The following ANO2 variants were observed in gnomAD, a reference collection of about 807,000 sequenced individuals.
ANO2 encodes anoctamin-2.
A neutral mutation model predicts 124.2 loss-of-function variants in ANO2; 101 were observed. The observed-to-expected ratio is 0.81, with a 90% CI of 0.69 to 0.96. ANO2 has a LOEUF of 0.96. ANO2 is among the 40% of genes least tolerant of loss of function. The pLI, the probability that ANO2 is intolerant of heterozygous loss-of-function variation, is 0.00. For synonymous variants in ANO2, 486 were observed against 482.5 expected, an observed-to-expected ratio of 1.01 and a Z score of -0.09; for missense variants, 1,293 against 1,274.5, an observed-to-expected ratio of 1.01 and a Z score of -0.22.
chr12:5,590,719 G>A (rs908001523), intron 20 of ANO2, among the ~76,000 whole-genome samples: 5 of 152,162 alleles, frequency 3.3e-5, no homozygotes, highest in African/African-American at 9.7e-5. Flanking sequence ...CTGGTCAACC[G>A]GAAGCAGCAA....
intron 20 of ANO2, among the ~76,000 whole-genome samples, chr12:5,585,140 C>A (rs552695962): frequency 5.9e-4 from 89 of 152,072 alleles, no homozygotes; most frequent in African/African-American, 2.1e-3. Context: ...TTGCACCATT[C>A]ATCACTGGGC....
intron 14 of ANO2, among the ~76,000 whole-genome samples, chr12:5,710,400 T>A (rs1274473696): frequency 1.3e-5 from 2 of 152,182 alleles, no homozygotes; most frequent in Non-Finnish European, 2.9e-5. Flanking sequence ...TTAGTTTGCA[T>A]CCCCCACCCC....
chr12:5,846,105 T>C (rs891915939), intron 4 of ANO2, among the ~76,000 whole-genome samples: 3 of 152,210 alleles, frequency 2.0e-5, no homozygotes, highest in African/African-American at 7.2e-5. Context: ...ATATCCTTCT[T>C]TGCAGACACC....
At chr12:5,628,338 T>C (rs1945518870) in intron 16 of ANO2, among the ~76,000 whole-genome samples, 1 of 152,208 alleles carries the variant, frequency 6.6e-6, no homozygotes, top group Non-Finnish European at 1.5e-5. Context: ...GTCATTCACA[T>C]ATGTGAGTGC....
intron 4 of ANO2, among the ~76,000 whole-genome samples, chr12:5,837,985 AAG>A (rs1954384365): frequency 1.3e-5 from 2 of 152,022 alleles, no homozygotes; most frequent in South Asian, 4.2e-4. Context: ...TAAAGAAAAA[AAG>A]AGAGAAGAAT....
At chr12:5,891,167 G>A (rs980795266) in intron 3 of ANO2, among the ~76,000 whole-genome samples, 1 of 152,156 alleles carries the variant, frequency 6.6e-6, no homozygotes, top group Non-Finnish European at 1.5e-5. Context: ...CCCAGAAGGG[G>A]TCATTAGCAT....
chr12:5,687,764 G>C (rs1370698607), intron 14 of ANO2, among the ~76,000 whole-genome samples: 1 of 152,234 alleles, frequency 6.6e-6, no homozygotes, highest in African/African-American at 2.4e-5. Context: ...CTGAGGCAGG[G>C]AGGGGACCAG....
At chr12:5,757,851 T>C (rs1008511022) in intron 10 of ANO2, among the ~76,000 whole-genome samples, 1 of 152,056 alleles carries the variant, frequency 6.6e-6, no homozygotes, top group Admixed American at 6.6e-5. Flanking sequence ...TAAGAAGAAA[T>C]AGCTAAAATT....
chr12:5,864,283 C>A (rs1455321821), intron 3 of ANO2, among the ~76,000 whole-genome samples: 2 of 152,194 alleles, frequency 1.3e-5, no homozygotes, highest in African/African-American at 4.8e-5. Context: ...TAGCCAGATG[C>A]AACATTTCTA....
intron 20 of ANO2, among the ~76,000 whole-genome samples, chr12:5,598,356 A>G (rs1467464910): frequency 5.9e-5 from 9 of 151,776 alleles, no homozygotes; most frequent in Non-Finnish European, 1.5e-5. Context: ...TATAGCTAAG[A>G]TCTTTATTTA....
intron 10 of ANO2, among the ~76,000 whole-genome samples, chr12:5,758,729 A>AC (rs1337871048): frequency 6.6e-6 from 1 of 152,096 alleles, no homozygotes; most frequent in Non-Finnish European, 1.5e-5. Flanking sequence ...GATTGACTCA[A>AC]CTCTCCTCAC....
chr12:5,779,083 T>C (rs1952310769), intron 10 of ANO2, among the ~76,000 whole-genome samples: 1 of 152,238 alleles, frequency 6.6e-6, no homozygotes, highest in African/African-American at 2.4e-5. Context: ...TTGAATCAAA[T>C]GACCTCTGGA....
At chr12:5,926,126 C>A (rs1942067190) in intron 1 of ANO2, among the ~76,000 whole-genome samples, 1 of 152,228 alleles carries the variant, frequency 6.6e-6, no homozygotes, top group Non-Finnish European at 1.5e-5. Flanking sequence ...ACCAAACAGT[C>A]AACGAGCTGG....
chr12:5,639,986 G>A (rs754089370), intron 15 of ANO2, among the ~76,000 whole-genome samples: 1 of 152,270 alleles, frequency 6.6e-6, no homozygotes, highest in South Asian at 2.1e-4. Context: ...TAGCTCTAGA[G>A]GAGGGACATC....
intron 10 of ANO2, among the ~76,000 whole-genome samples, chr12:5,786,428 C>T (rs948532282): frequency 3.9e-5 from 6 of 152,054 alleles, no homozygotes; most frequent in African/African-American, 1.5e-4. Flanking sequence ...CATTAAAGGC[C>T]CTTCATTTGA....
intron 12 of ANO2, among the ~76,000 whole-genome samples, chr12:5,742,410 T>C (rs1951125375): frequency 6.7e-6 from 1 of 148,680 alleles, no homozygotes; most frequent in Non-Finnish European, 1.5e-5. Flanking sequence ...GCCAGGAAGC[T>C]CTGGCGCAAT....
intron 23 of ANO2, among the ~76,000 whole-genome samples, chr12:5,575,240 C>T (rs1312335589): frequency 6.6e-6 from 1 of 152,218 alleles, no homozygotes; most frequent in Non-Finnish European, 1.5e-5. Context: ...TGCTTATTTT[C>T]TTCTCAACCA....
chr12:5,814,172 A>C (rs1338773879), intron 7 of ANO2, among the ~76,000 whole-genome samples: 2 of 152,150 alleles, frequency 1.3e-5, no homozygotes, highest in Non-Finnish European at 2.9e-5. Flanking sequence ...TGACCTCTCT[A>C]TCTTTCTGCA....
At chr12:5,905,697 A>T (rs1940630225) in intron 3 of ANO2, among the ~76,000 whole-genome samples, 2 of 152,208 alleles carry the variant, frequency 1.3e-5, no homozygotes, top group African/African-American at 4.8e-5. Flanking sequence ...AATCATTATG[A>T]CCTTGGAATC....
Sources: gnomAD v4.1 joint callset for allele counts (sites outside exome capture counted in the v4.1 genomes callset) on GRCh38, gnomAD v4.1.1 for gene constraint, MANE v1.5 for transcripts, NCBI Gene and HGNC (gene_info 2026-07-23, HGNC 2026-07-21) for gene names.